Variants in ALDH1L1 observed in about 807,000 individuals in gnomAD.
ALDH1L1 encodes the protein aldehyde dehydrogenase 1 family member L1, also known as cytosolic 10-formyltetrahydrofolate dehydrogenase.
ALDH1L1 carries 68 observed loss-of-function variants against 101.1 expected under a neutral mutation model. The ratio of observed to expected loss-of-function variants is 0.67; its 90% CI spans 0.55 to 0.82. The LOEUF is 0.82. ALDH1L1 is among the 40% of genes least tolerant of loss of function. The pLI is 0.00. For synonymous variants in ALDH1L1, 486 were observed against 470.8 expected (o/e 1.03, Z -0.42); for missense variants, 1,087 against 1,172.7 (o/e 0.93, Z 1.07).
rs565026541 is a variant in ALDH1L1 at position 126,105,742 on chromosome 3, T to A, written c.2637A>T (p.Gly879=). ...GTAGGTTACCTAGATCTTTGCCAAA[T>A]CCAGACTGTTTGAATCCTCCGAAGG... is the stretch of plus-strand genomic sequence containing the variant. ...AAPFGGFKQS[G]FGKDLGEAAL... is the part of the protein sequence containing the mutation. The change falls in exon 22 of 23, where the codon GGA becomes GGT. Residue 879 remains glycine (G), a synonymous_variant. Coordinates refer to ENST00000393434, the MANE Select transcript of ALDH1L1 (RefSeq NM_012190.4). The A allele has an allele frequency of 1.6e-5, 26 of 1,614,174 alleles. No individual in the cohort carries two copies. In the African/African-American group the frequency reaches 2.8e-4, roughly 17 times the overall value.
intron 12 of ALDH1L1, among the ~76,000 whole-genome samples, chr3:126,133,129 C>T (rs2108241616): frequency 6.6e-6 from 1 of 152,360 alleles, no homozygotes; most frequent in African/African-American, 2.4e-5. Context: ...TCAAATTTTC[C>T]CACTCCCAGT....
chr3:126,131,755 C>G (rs2305224), intron 12 of ALDH1L1, among the ~76,000 whole-genome samples: 89,499 of 152,202 alleles, frequency 0.59, 26,737 homozygotes, highest in Middle Eastern at 0.7. Context: ...CTCCTTTCCT[C>G]GATCTTCCCT....
intron 1 of ALDH1L1, among the ~76,000 whole-genome samples, chr3:126,196,380 C>CTT (rs34527873): frequency 3.6e-5 from 5 of 139,112 alleles, no homozygotes; most frequent in African/African-American, 5.2e-5. Flanking sequence ...AAGAAAACAG[C>CTT]TTTTTTTTTT....
chr3:126,135,393 C>T, intron 12 of ALDH1L1, 142 bp downstream of exon 12: 2 of 1,141,374 alleles, frequency 1.8e-6, no homozygotes, highest in Non-Finnish European at 1.2e-6. Context: ...CCAGCCTGGC[C>T]CATCTGATGG....
chr3:126,130,169 T>C, intron 14 of ALDH1L1, 54 bp downstream of exon 14: 18 of 1,523,852 alleles, frequency 1.2e-5, no homozygotes, highest in Non-Finnish European at 1.6e-5. Flanking sequence ...TACAGTTCCG[T>C]GTACTGCATG....
At chr3:126,138,677 C>T (rs2080504762) in intron 9 of ALDH1L1, among the ~76,000 whole-genome samples, 1 of 152,220 alleles carries the variant, frequency 6.6e-6, no homozygotes, top group African/African-American at 2.4e-5. Context: ...AGCTTGCACA[C>T]ACTGCTGGCA....
chr3:126,109,006 C>T (rs74726094), intron 20 of ALDH1L1, among the ~76,000 whole-genome samples: 21 of 152,282 alleles, frequency 1.4e-4, no homozygotes, highest in East Asian at 5.8e-4. Context: ...CTGAGCGAGG[C>T]AAGATGTAGG....
intron 12 of ALDH1L1, among the ~76,000 whole-genome samples, chr3:126,134,343 G>A (rs1042596586): frequency 6.6e-6 from 1 of 152,160 alleles, no homozygotes; most frequent in Non-Finnish European, 1.5e-5. Context: ...GGCAGCAGAG[G>A]CCAAGGGAGG....
chr3:126,105,693 A>ATGAAAGCAACT, intron 22 of ALDH1L1, 33 bp downstream of exon 22: 2 of 1,612,898 alleles, frequency 1.2e-6, no homozygotes, highest in Middle Eastern at 1.6e-4. Flanking sequence ...GAATGAATAA[A>ATGAAAGCAACT]TGAAAGCAAC....
chr3:126,134,280 C>A (rs1559937499), intron 12 of ALDH1L1, among the ~76,000 whole-genome samples: 1 of 152,180 alleles, frequency 6.6e-6, no homozygotes, highest in Non-Finnish European at 1.5e-5. Context: ...CAGGGTGCCC[C>A]CCTCACTGTC....
At chr3:126,124,745 T>G (rs1326410924) in intron 15 of ALDH1L1, among the ~76,000 whole-genome samples, 1 of 152,212 alleles carries the variant, frequency 6.6e-6, no homozygotes, top group Non-Finnish European at 1.5e-5. Context: ...AGCATAAGTT[T>G]CTAAAGCCAG....
intron 1 of ALDH1L1, among the ~76,000 whole-genome samples, chr3:126,196,437 GAGCCCAAGGCT>G (rs563952731): frequency 0.014 from 2,027 of 146,384 alleles, 26 homozygotes; most frequent in South Asian, 0.037. Flanking sequence ...TTTTCCCAAA[GAGCCCAAGGCT>G]GTTAGAGCTT....
chr3:126,144,806 A>G (rs1238153653), intron 9 of ALDH1L1, among the ~76,000 whole-genome samples: 2 of 152,252 alleles, frequency 1.3e-5, no homozygotes, highest in East Asian at 3.8e-4. Flanking sequence ...CCTGAATATC[A>G]CACCAAAAGA....
chr3:126,146,960 AGGGGAGCT>A, intron 8 of ALDH1L1, 34 bp from the exon 9 acceptor site: 1 of 1,602,332 alleles, frequency 6.2e-7, no homozygotes, highest in Non-Finnish European at 8.5e-7. Context: ...GGCTGGCCCC[AGGGGAGCT>A]GGGGACAAGT....
intron 15 of ALDH1L1, 57 bp downstream of exon 15, chr3:126,125,559 G>T (rs879054682): frequency 7.5e-7 from 1 of 1,341,744 alleles, no homozygotes; most frequent in African/African-American, 1.5e-5. Context: ...CTTATAGAGT[G>T]AGTTCCTGAT....
chr3:126,185,236 C>T (rs918663629), upstream of ALDH1L1, among the ~76,000 whole-genome samples: 1 of 152,238 alleles, frequency 6.6e-6, no homozygotes, highest in Admixed American at 6.5e-5. Context: ...CCAAATCTAA[C>T]CTGGGGGTGT....
chr3:126,112,744 G>C (rs766657714), intron 19 of ALDH1L1, 38 bp downstream of exon 19: 1 of 1,597,048 alleles, frequency 6.3e-7, no homozygotes, highest in Non-Finnish European at 8.6e-7. Context: ...TGCTGTCCCA[G>C]TGAACCAGCC....
intron 1 of ALDH1L1, among the ~76,000 whole-genome samples, chr3:126,178,925 A>G (rs2081417554): frequency 6.6e-6 from 1 of 150,480 alleles, no homozygotes; most frequent in African/African-American, 2.5e-5. Context: ...TTTATATTGT[A>G]CATGATTACT....
chr3:126,111,278 C>T (rs73859017), intron 19 of ALDH1L1, among the ~76,000 whole-genome samples: 1 of 152,254 alleles, frequency 6.6e-6, no homozygotes, highest in Non-Finnish European at 1.5e-5. Context: ...AGCAATGTTT[C>T]GTGCATTTCA....
Sources: gnomAD v4.1 joint callset for allele counts (sites outside exome capture counted in the v4.1 genomes callset) on GRCh38, gnomAD v4.1.1 for gene constraint, MANE v1.5 for transcripts, NCBI Gene and HGNC (gene_info 2026-07-23, HGNC 2026-07-21) for gene names.